The following SLC16A7 variants were observed in gnomAD, a reference collection of about 807,000 sequenced individuals.
SLC16A7 encodes the protein solute carrier family 16 member 7, also known as monocarboxylate transporter 2.
A neutral mutation model predicts 34.9 loss-of-function variants in SLC16A7; 33 were observed. The ratio of observed to expected loss-of-function variants is 0.94; its 90% CI spans 0.72 to 1.26. The LOEUF is 1.26. SLC16A7 is among the 50% of genes most tolerant of loss of function. SLC16A7 has a pLI of 0.00. For missense variants in SLC16A7, 573 were observed against 578.1 expected, an observed-to-expected ratio of 0.99 and a Z score of 0.09; for synonymous variants, 201 against 206.6, an observed-to-expected ratio of 0.97 and a Z score of 0.23.
chr12:59,774,917 A>G lies in SLC16A7; in HGVS notation c.622A>G (p.Lys208Glu). ...LGPNQTTSKSKNKTGKTEDDS... is the reference protein window; with the variant it reads ...LGPNQTTSKSENKTGKTEDDS... ...ACCCAATCAAACCACTTCTAAGTCT[A>G]AAAATAAGACTGGCAAAACAGAAGA... Residue 208 changes from lysine (K) to glutamate (E), a missense_variant, in exon 5 of 6, where the codon AAA (lysine) becomes GAA (glutamate). Lys to Glu is a moderately conservative substitution (Grantham distance 56, BLOSUM62 1). Coordinates refer to ENST00000547379, the MANE Select transcript of SLC16A7 (RefSeq NM_001270623.2). The G allele has an allele frequency of 6.2e-7, 1 of 1,613,956 alleles. No homozygotes were observed. Among genetic ancestry groups the G allele is most frequent in the Non-Finnish European group, 8.5e-7 (1 of 1,179,926 alleles).
At chr12:59,701,439 A>G (rs1400065294) in intron 2 of SLC16A7, among the ~76,000 whole-genome samples, 1 of 151,662 alleles carries the variant, frequency 6.6e-6, no homozygotes, top group Non-Finnish European at 1.5e-5. Context: ...AATAAACTAG[A>G]ATTTTAGAAA....
chr12:59,649,856 G>A (rs1297031579), intron 1 of SLC16A7, among the ~76,000 whole-genome samples: 1 of 152,036 alleles, frequency 6.6e-6, no homozygotes, highest in Non-Finnish European at 1.5e-5. Flanking sequence ...AGCTGAGACT[G>A]GAGAATCACT....
intron 1 of SLC16A7, among the ~76,000 whole-genome samples, chr12:59,619,257 T>A (rs1879594859): frequency 6.6e-6 from 1 of 151,066 alleles, no homozygotes; most frequent in Non-Finnish European, 1.5e-5. Flanking sequence ...TCATGCATTG[T>A]ATTACACAAT....
chr12:59,615,129 A>G (rs909556099), intron 1 of SLC16A7, among the ~76,000 whole-genome samples: 2 of 152,182 alleles, frequency 1.3e-5, no homozygotes, highest in Non-Finnish European at 2.9e-5. Context: ...GGACGCAGCA[A>G]CAAAGTACTA....
intron 1 of SLC16A7, among the ~76,000 whole-genome samples, chr12:59,634,650 G>A (rs1880335303): frequency 6.6e-6 from 1 of 152,020 alleles, no homozygotes; most frequent in South Asian, 2.1e-4. Context: ...TATATCAAAG[G>A]TGTAAGGTTT....
At chr12:59,671,785 G>GTATATGTA (rs200349002) in intron 2 of SLC16A7, among the ~76,000 whole-genome samples, 1 of 139,740 alleles carries the variant, frequency 7.2e-6, no homozygotes, top group South Asian at 2.2e-4. Context: ...ATATATATGT[G>GTATATGTA]TATATGTATA....
intron 2 of SLC16A7, among the ~76,000 whole-genome samples, chr12:59,688,136 G>A (rs1871300585): frequency 6.6e-6 from 1 of 151,928 alleles, no homozygotes; most frequent in African/African-American, 2.4e-5. Flanking sequence ...ACATTCTGTG[G>A]GTTCCAGCTT....
At chr12:59,680,533 G>A (rs1870663712) in intron 2 of SLC16A7, among the ~76,000 whole-genome samples, 1 of 151,970 alleles carries the variant, frequency 6.6e-6, no homozygotes, top group Non-Finnish European at 1.5e-5. Context: ...TACATTCTTG[G>A]CCACTCTCTA....
chr12:59,786,227 AAATAG>A lies in SLC16A7; in HGVS notation c.*6553_*6557del, dbSNP rs1322633238. 6 of 151,456 alleles carry A rather than the reference AAATAG, an allele frequency of 4.0e-5. No individual in the cohort carries two copies. The highest frequency in any genetic ancestry group is 7.4e-5 in the Non-Finnish European group (5 of 67,842). 9.4% of individuals were successfully genotyped at this position (151,456 alleles called of 1,614,324 possible). A position where few individuals can be genotyped will look rare whatever the true frequency, so the allele number is the denominator to read the frequency against. ...AAATAAAATAATAAAAATAAAAATA[AAATAG>A]AATAAGTTGATAAAAGCTCCTCTGT... On this transcript the variant is annotated 3_prime_UTR_variant, in exon 6 of 6. Transcript: ENST00000547379.
At chr12:59,711,240 A>G (rs1401482860) in intron 3 of SLC16A7, among the ~76,000 whole-genome samples, 2 of 152,196 alleles carry the variant, frequency 1.3e-5, no homozygotes, top group African/African-American at 4.8e-5. Context: ...TTCCCAGAAG[A>G]AGGAAGGATT....
At chr12:59,646,962 T>C (rs892166169) in intron 1 of SLC16A7, among the ~76,000 whole-genome samples, 2 of 152,108 alleles carry the variant, frequency 1.3e-5, no homozygotes. Flanking sequence ...TTGGAATGGG[T>C]GTATATACCC....
intron 3 of SLC16A7, among the ~76,000 whole-genome samples, chr12:59,748,033 T>C (rs928054791): frequency 6.6e-6 from 1 of 152,044 alleles, no homozygotes; most frequent in African/African-American, 2.4e-5. Flanking sequence ...TGAAACCCCA[T>C]CTCTACTAAA....
intron 2 of SLC16A7, among the ~76,000 whole-genome samples, chr12:59,671,930 C>T (rs370142379): frequency 0.19 from 5,519 of 28,950 alleles, 2,265 homozygotes; most frequent in East Asian, 0.8. Context: ...TGTATATATC[C>T]ATATATGTAT....
At chr12:59,618,968 C>A (rs1879580631) in intron 1 of SLC16A7, among the ~76,000 whole-genome samples, 1 of 151,940 alleles carries the variant, frequency 6.6e-6, no homozygotes. Flanking sequence ...TGTATTTTCC[C>A]ATTTGCAACA....
chr12:59,721,967 C>T (rs1875651584), intron 3 of SLC16A7, among the ~76,000 whole-genome samples: 1 of 151,862 alleles, frequency 6.6e-6, no homozygotes, highest in Admixed American at 6.6e-5. Flanking sequence ...CTTGGATCTC[C>T]TTTCCATATA....
intron 3 of SLC16A7, among the ~76,000 whole-genome samples, chr12:59,738,956 A>G (rs1287479177): frequency 6.6e-6 from 1 of 151,436 alleles, no homozygotes; most frequent in African/African-American, 2.4e-5. Context: ...CAATTTGTGC[A>G]TGGAATATTA....
intron 3 of SLC16A7, among the ~76,000 whole-genome samples, chr12:59,724,781 T>G (rs1383037427): frequency 1.3e-5 from 2 of 151,986 alleles, no homozygotes; most frequent in African/African-American, 4.8e-5. Flanking sequence ...AAATGGAGGG[T>G]TTTTATGTAT....
chr12:59,721,492 C>G (rs1875585295), intron 3 of SLC16A7, among the ~76,000 whole-genome samples: 1 of 151,914 alleles, frequency 6.6e-6, no homozygotes, highest in African/African-American at 2.4e-5. Context: ...ATTCCTGTAG[C>G]TTATAACCAT....
intron 3 of SLC16A7, among the ~76,000 whole-genome samples, chr12:59,758,372 TC>T (rs936418578): frequency 2.0e-5 from 3 of 152,126 alleles, no homozygotes; most frequent in African/African-American, 7.2e-5. Flanking sequence ...ATATGCTACT[TC>T]CTCTACAAAG....
Sources: gnomAD v4.1 joint callset for allele counts (sites outside exome capture counted in the v4.1 genomes callset) on GRCh38, gnomAD v4.1.1 for gene constraint, MANE v1.5 for transcripts, NCBI Gene and HGNC (gene_info 2026-07-23, HGNC 2026-07-21) for gene names.